Variants in AGO2 observed in about 807,000 individuals in gnomAD.
AGO2 encodes the protein argonaute RISC catalytic component 2.
In AGO2, 5 loss-of-function variants were observed where a neutral mutation model predicts 102.3. The observed-to-expected ratio is 0.05, with a 90% CI of 0.03 to 0.10. The LOEUF (loss-of-function observed/expected upper bound fraction) is 0.10. Among genes scored for constraint, AGO2 ranks in the 10% least tolerant of loss-of-function variants. The probability of loss-of-function intolerance (pLI) is 1.00; values close to 1 mark genes in which losing one functional copy is unlikely to be tolerated. For missense variants in AGO2, 541 were observed against 1,183.7 expected, an observed-to-expected ratio of 0.46 and a Z score of 7.97; for synonymous variants, 449 against 473.1, an observed-to-expected ratio of 0.95 and a Z score of 0.66.
intron 1 of AGO2, among the ~76,000 whole-genome samples, chr8:140,633,126 T>C (rs1213565596): frequency 2.6e-5 from 4 of 152,202 alleles, no homozygotes; most frequent in Non-Finnish European, 5.9e-5. Context: ...TTGGCCAGGA[T>C]GGTCTCGATC....
At chr8:140,639,605 G>A (rs1272717918), upstream of AGO2, among the ~76,000 whole-genome samples, 2 of 122,620 alleles carry the variant, frequency 1.6e-5, no homozygotes, top group Admixed American at 8.0e-5. Context: ...GGACCCCATC[G>A]CTACAAAATA....
chr8:140,553,173 C>G (rs982262251), intron 10 of AGO2, among the ~76,000 whole-genome samples: 2 of 152,126 alleles, frequency 1.3e-5, no homozygotes, highest in Non-Finnish European at 2.9e-5. Flanking sequence ...ACTGCTTGAG[C>G]CCAGGAGTTC....
intron 1 of AGO2, among the ~76,000 whole-genome samples, chr8:140,600,581 G>A (rs932490462): frequency 2.0e-5 from 3 of 152,076 alleles, no homozygotes; most frequent in South Asian, 2.1e-4. Flanking sequence ...TTGGGAGGCT[G>A]AGGCAGGAGA....
intron 3 of AGO2, among the ~76,000 whole-genome samples, chr8:140,564,682 C>A (rs2073252051): frequency 6.6e-6 from 1 of 152,234 alleles, no homozygotes; most frequent in South Asian, 2.1e-4. Context: ...GTGGCTCATG[C>A]CTGTAATCCC....
chr8:140,626,522 T>C (rs185147520), intron 1 of AGO2: 21 of 152,146 alleles, frequency 1.4e-4, no homozygotes, highest in Admixed American at 7.8e-4. Flanking sequence ...GCCCGCATCA[T>C]CTCCTCTGAT....
intron 3 of AGO2, among the ~76,000 whole-genome samples, chr8:140,569,313 G>A (rs1019075674): frequency 1.3e-5 from 2 of 152,208 alleles, no homozygotes; most frequent in Admixed American, 6.5e-5. Context: ...ACTTCCTTCT[G>A]GGAAGGAGAC....
upstream of AGO2, among the ~76,000 whole-genome samples, chr8:140,635,783 G>A (rs2074401764): frequency 7.0e-6 from 1 of 143,420 alleles, no homozygotes; most frequent in Non-Finnish European, 1.5e-5. Flanking sequence ...GCGCGCGGGC[G>A]GGGTCCGCGG....
chr8:140,539,507 C>A lies in AGO2; in HGVS notation c.2035-53G>T. ...GCTTAAAGATGGTAGTGCATGTGAGCAACGGTCCCACGTGCGGGTTCTGGG... is the reference window on the plus strand; with the variant it reads ...GCTTAAAGATGGTAGTGCATGTGAGAAACGGTCCCACGTGCGGGTTCTGGG... On this transcript the variant is annotated intron_variant, in intron 15 of 18. Transcript: ENST00000220592. This position sits in a 1 kb window ranked among gnomAD's most constrained non-coding sequence, Gnocchi z 4.7. The A allele has an allele frequency of 6.4e-7, 1 of 1,565,006 alleles. No homozygotes were observed. The highest frequency in any genetic ancestry group is 1.2e-5 in the South Asian group (1 of 84,706).
At position 140,577,207 on chromosome 8, in the gene AGO2, C is replaced by CAAAAAAAA. The variant is rs10661844; in HGVS notation, c.216-4283_216-4276dup. The stretch of plus-strand genomic sequence containing the variant: ...TGGGCGACAGAGCAAGACTCCATCT[C>CAAAAAAAA]AAAAAAAAAAAAAAAAAAAAAGAAA... On this transcript the variant is annotated intron_variant, in intron 2 of 18. Coordinates refer to ENST00000220592, the MANE Select transcript of AGO2 (RefSeq NM_012154.5). 5.9e-4 allele frequency among the ~76,000 whole-genome samples: 42 copies of CAAAAAAAA among 70,696 alleles called. 1 individual carries two copies. The highest frequency in any genetic ancestry group is 1.8e-3 in the South Asian group (3 of 1,642). The allele number at this position is 70,696 out of a possible 152,430, so 46.4% of individuals were successfully genotyped here.
At chr8:140,597,567 G>A (rs909575027) in intron 1 of AGO2, among the ~76,000 whole-genome samples, 4 of 150,826 alleles carry the variant, frequency 2.7e-5, no homozygotes, top group Non-Finnish European at 4.4e-5. Flanking sequence ...CTTGAGGATG[G>A]AAGGAGAAAT....
chr8:140,525,495 T>G lies in AGO2; in HGVS notation c.*6549A>C, dbSNP rs541163720. 1 of 152,334 alleles carries G rather than the reference T, an allele frequency of 6.6e-6. No individual in the cohort carries two copies. The highest frequency in any genetic ancestry group is 2.4e-5 in the African/African-American group (1 of 41,558). The allele number at this position is 152,334 out of a possible 1,614,324, so 9.4% of individuals were successfully genotyped here. On this transcript the variant is annotated 3_prime_UTR_variant, in exon 19 of 19. Coordinates refer to ENST00000220592, the MANE Select transcript of AGO2 (RefSeq NM_012154.5). ...AGCGTGGCGGCAGAATTACAAAACATTCTCAGAGAGACTGCAAAGGACACT... is the reference window on the plus strand; with the variant it reads ...AGCGTGGCGGCAGAATTACAAAACAGTCTCAGAGAGACTGCAAAGGACACT...
At position 140,524,623 on chromosome 8, in the gene AGO2, AG is replaced by A. The variant is rs1274995652; in HGVS notation, c.*7420del. ...AAGGACACTGAGGACCGGACTTTAA[AG>A]GCACAGAGTCTGAGACTGGGTCTTC... On this transcript the variant is annotated 3_prime_UTR_variant, in exon 19 of 19. Coordinates refer to ENST00000220592, the MANE Select transcript of AGO2 (RefSeq NM_012154.5). 1 of 152,350 alleles carries A rather than the reference AG, an allele frequency of 6.6e-6. No individual in the cohort carries two copies. Among genetic ancestry groups the A allele is most frequent in the African/African-American group, 2.4e-5 (1 of 41,450 alleles). 9.4% of individuals were successfully genotyped at this position (152,350 alleles called of 1,614,324 possible).
intron 13 of AGO2, among the ~76,000 whole-genome samples, chr8:140,545,129 T>C (rs2944770): frequency 0.64 from 96,630 of 151,990 alleles, 32,443 homozygotes; most frequent in African/African-American, 0.87. Flanking sequence ...TCCATTTCCC[T>C]GCATGCCTGT....
At chr8:140,542,311 T>C (rs531102922) in intron 14 of AGO2, among the ~76,000 whole-genome samples, 57 of 152,334 alleles carry the variant, frequency 3.7e-4, no homozygotes, top group African/African-American at 1.3e-3. Context: ...AAATAGGAAC[T>C]GCTTCTTGGC....
rs970214276 is a variant in AGO2, at chr8:140,567,507, T to C, written c.337-4873A>G. Among the ~76,000 whole-genome samples, 1 of 152,190 alleles carries C rather than the reference T, an allele frequency of 6.6e-6. No homozygotes were observed. Among genetic ancestry groups the C allele is most frequent in the African/African-American group, 2.4e-5 (1 of 41,450 alleles). On this transcript the variant is annotated intron_variant, in intron 3 of 18. Transcript: ENST00000220592. The surrounding 1 kb of genome is among the most constrained non-coding windows in gnomAD (Gnocchi z 5.0). ...TCTAACCTCGGGCAGGTGGCTCCGT[T>C]GGCTTCCTGCACACAAGGGGACAAG...
intron 17 of AGO2, among the ~76,000 whole-genome samples, chr8:140,533,573 G>A (rs565680733): frequency 6.6e-5 from 10 of 152,160 alleles, no homozygotes; most frequent in Admixed American, 4.6e-4. Flanking sequence ...TTGGGAGGCC[G>A]AGGCGGGCAG....
chr8:140,619,300 T>G (rs995194985), intron 1 of AGO2, among the ~76,000 whole-genome samples: 1 of 152,124 alleles, frequency 6.6e-6, no homozygotes, highest in African/African-American at 2.4e-5. Flanking sequence ...GCACTGTAAG[T>G]ACACCACCAA....
At chr8:140,611,330 GT>G (rs57728629) in intron 1 of AGO2, among the ~76,000 whole-genome samples, 47 of 147,898 alleles carry the variant, frequency 3.2e-4, no homozygotes, top group South Asian at 2.1e-4. Context: ...TTAAGCCTTT[GT>G]TTTTTTTTTT....
rs191459942 is a variant in AGO2 at position 140,540,770 on chromosome 8, C to T, written c.2034+394G>A. ...CCACACCTCTCACACTGCAGACAGG[C>T]GTCCCCAGACGCAATGAGCTCCCCG... is the stretch of plus-strand genomic sequence containing the variant. On this transcript the variant is annotated intron_variant, in intron 15 of 18. Transcript: ENST00000220592. The surrounding 1 kb of genome is among the most constrained non-coding windows in gnomAD (Gnocchi z 5.0). Among the ~76,000 whole-genome samples the T allele has an allele frequency of 2.6e-5, 4 of 152,310 alleles. No individual in the cohort carries two copies. The highest frequency in any genetic ancestry group is 1.3e-4 in the Admixed American group (2 of 15,300).
Sources: gnomAD v4.1 joint callset for allele counts (sites outside exome capture counted in the v4.1 genomes callset) on GRCh38, gnomAD v4.1.1 for gene constraint, Gnocchi (gnomAD v3.1) non-coding constraint, MANE v1.5 for transcripts, NCBI Gene and HGNC (gene_info 2026-07-23, HGNC 2026-07-21) for gene names.